The following RAPH1 variants were observed in gnomAD, a reference collection of about 807,000 sequenced individuals.
RAPH1 encodes the protein Ras association (RalGDS/AF-6) and pleckstrin homology domains 1.
In RAPH1, 18 loss-of-function variants were observed where a neutral mutation model predicts 88.1. The observed-to-expected ratio is 0.20, with a 90% CI of 0.14 to 0.30. The LOEUF is 0.30. RAPH1 is among the 10% of genes least tolerant of loss of function. The pLI is 1.00. For missense variants in RAPH1, 1,448 were observed against 1,543.2 expected, an observed-to-expected ratio of 0.94 and a Z score of 1.03; for synonymous variants, 587 against 559.0, an observed-to-expected ratio of 1.05 and a Z score of -0.71.
In RAPH1 at chr2:203,436,022, C is replaced by G. The variant is rs190410567; in HGVS notation, c.*3415G>C. 1 of 152,248 alleles carries G rather than the reference C, an allele frequency of 6.6e-6. No homozygotes were observed. The highest frequency in any genetic ancestry group is 2.4e-5 in the African/African-American group (1 of 41,564). The allele number at this position is 152,248 out of a possible 1,614,324, so 9.4% of individuals were successfully genotyped here. On this transcript the variant is annotated 3_prime_UTR_variant, in exon 14 of 14. Coordinates refer to ENST00000319170, the MANE Select transcript of RAPH1 (RefSeq NM_213589.3). ...GAATTGGATGTACAGCTCCTAATAA[C>G]CTTGATGTCAGAGTTGTCACTTGGT...
At chr2:203,519,868 A>G (rs533236805) in intron 1 of RAPH1, among the ~76,000 whole-genome samples, 2 of 152,370 alleles carry the variant, frequency 1.3e-5, no homozygotes, top group South Asian at 4.1e-4. Flanking sequence ...CCAGTATCAA[A>G]CACTCATACA....
chr2:203,509,011 ATATT>A (rs1019248701), intron 1 of RAPH1, among the ~76,000 whole-genome samples: 1 of 151,730 alleles, frequency 6.6e-6, no homozygotes, highest in Non-Finnish European at 1.5e-5. Context: ...TCTTAGAAAG[ATATT>A]TATTCATCAG....
rs2098497052 is a variant in RAPH1, at chr2:203,434,741, C to G, written c.*4696G>C. On this transcript the variant is annotated 3_prime_UTR_variant, in exon 14 of 14. Coordinates refer to ENST00000319170, the MANE Select transcript of RAPH1 (RefSeq NM_213589.3). Reference sequence around the variant, plus strand: ...ACGTTGAGGCTGCAACAATCATGAGCTTGGTATTAGTAGCCATCCATGATA... The same window carrying G: ...ACGTTGAGGCTGCAACAATCATGAGGTTGGTATTAGTAGCCATCCATGATA... The G allele has an allele frequency of 6.6e-6, 1 of 152,368 alleles. No homozygotes were observed. Among genetic ancestry groups the G allele is most frequent in the Non-Finnish European group, 1.5e-5 (1 of 68,020 alleles). The allele number at this position is 152,368 out of a possible 1,614,324, so 9.4% of individuals were successfully genotyped here. A position where few individuals can be genotyped will look rare whatever the true frequency, so the allele number is the denominator to read the frequency against.
At chr2:203,450,232 T>A (rs959776499) in intron 10 of RAPH1, among the ~76,000 whole-genome samples, 2 of 151,870 alleles carry the variant, frequency 1.3e-5, no homozygotes, top group African/African-American at 4.8e-5. Flanking sequence ...TGGTCTACAA[T>A]GAGGGAAAAA....
intron 4 of RAPH1, among the ~76,000 whole-genome samples, chr2:203,467,170 T>G (rs1170644581): frequency 6.6e-6 from 1 of 152,228 alleles, no homozygotes; most frequent in Admixed American, 6.5e-5. Flanking sequence ...TCCTTGAACC[T>G]GAGTCTGAGC....
intron 1 of RAPH1, among the ~76,000 whole-genome samples, chr2:203,529,105 A>T (rs957353338): frequency 3.6e-5 from 5 of 139,082 alleles, no homozygotes; most frequent in African/African-American, 1.1e-4. Context: ...CAGCCTCCCG[A>T]GTTAACTGCA....
intron 13 of RAPH1, chr2:203,443,624 G>C (rs981465990): frequency 1.4e-5 from 2 of 147,400 alleles, no homozygotes; most frequent in African/African-American, 2.6e-5. Flanking sequence ...AATGCCCAAA[G>C]AAATGGCAAA....
At chr2:203,482,246 C>T (rs911752289) in intron 4 of RAPH1, among the ~76,000 whole-genome samples, 8 of 152,118 alleles carry the variant, frequency 5.3e-5, no homozygotes, top group African/African-American at 1.9e-4. Flanking sequence ...AGTACAGTGG[C>T]ATCATCTCAG....
intron 2 of RAPH1, among the ~76,000 whole-genome samples, chr2:203,493,971 C>CAAAAAAA (rs397937732): frequency 0.045 from 643 of 14,194 alleles, 2 homozygotes; most frequent in Non-Finnish European, 0.078. Flanking sequence ...GACTCTATCT[C>CAAAAAAA]AAAAAAAAAA....
chr2:203,510,034 A>G (rs1055060566), intron 1 of RAPH1, among the ~76,000 whole-genome samples: 4 of 152,106 alleles, frequency 2.6e-5, no homozygotes, highest in African/African-American at 9.7e-5. Context: ...TTTTACTTAT[A>G]AATTATACAG....
chr2:203,450,036 AAAC>A (rs1207113166), intron 10 of RAPH1, among the ~76,000 whole-genome samples: 9 of 151,840 alleles, frequency 5.9e-5, no homozygotes, highest in African/African-American at 1.9e-4. Flanking sequence ...AAAAAAAAAA[AAAC>A]AAAGAAAGAA....
Position 203,441,273 on chromosome 2 carries a change from TGGTGGAGGAGGA to T in RAPH1, c.1905_1916del (p.Pro645_Pro648del). 6.9e-6 allele frequency: 1 copy of T among 145,658 alleles called. No homozygotes were observed. Among genetic ancestry groups the T allele is most frequent in the Non-Finnish European group, 1.1e-5 (1 of 93,284 alleles). 9.0% of individuals were successfully genotyped at this position (145,658 alleles called of 1,614,324 possible). A position where few individuals can be genotyped will look rare whatever the true frequency, so the allele number is the denominator to read the frequency against. On this transcript the variant is annotated inframe_deletion, in exon 14 of 14. Transcript: ENST00000319170. Reference sequence around the variant, plus strand: ...GGGGAGGAGGGGGTGGTGGAGGGGGTGGTGGAGGAGGAGGTGGGGGTGGCGGAGGAGGTAGAG... The same window carrying T: ...GGGGAGGAGGGGGTGGTGGAGGGGGTGGTGGGGGTGGCGGAGGAGGTAGAG...
intron 2 of RAPH1, among the ~76,000 whole-genome samples, chr2:203,493,452 T>C (rs930759286): frequency 6.6e-6 from 1 of 152,182 alleles, no homozygotes; most frequent in Non-Finnish European, 1.5e-5. Context: ...CTTTTCTCCA[T>C]GCATTATCAT....
At chr2:203,494,832 A>G (rs1433716511) in intron 2 of RAPH1, among the ~76,000 whole-genome samples, 2 of 151,842 alleles carry the variant, frequency 1.3e-5, no homozygotes, top group Non-Finnish European at 2.9e-5. Context: ...AAGAAAAAAA[A>G]AAAGAAAAAC....
intron 1 of RAPH1, among the ~76,000 whole-genome samples, chr2:203,529,564 T>C (rs1690295653): frequency 6.6e-6 from 1 of 152,266 alleles, no homozygotes; most frequent in South Asian, 2.1e-4. Flanking sequence ...GGTTTCTCTA[T>C]GTTGGTCAGG....
intron 3 of RAPH1, 24 bp downstream of exon 3, chr2:203,491,190 A>C: frequency 1.3e-6 from 2 of 1,501,812 alleles, no homozygotes; most frequent in Non-Finnish European, 9.3e-7. Context: ...ACTATTTTAC[A>C]TTTTATTTCC....
chr2:203,490,769 G>A (rs780493466), intron 3 of RAPH1, among the ~76,000 whole-genome samples: 2 of 152,034 alleles, frequency 1.3e-5, no homozygotes, highest in Non-Finnish European at 1.5e-5. Flanking sequence ...AGGGCTGGAC[G>A]CAGTGGCTCA....
intron 1 of RAPH1, among the ~76,000 whole-genome samples, chr2:203,506,802 A>C (rs28818574): frequency 4.2e-5 from 5 of 118,538 alleles, no homozygotes; most frequent in African/African-American, 1.2e-4. Flanking sequence ...ATCTATATAT[A>C]TATCTATATC....
chr2:203,502,990 A>T (rs757373681), intron 1 of RAPH1, among the ~76,000 whole-genome samples: 4 of 151,504 alleles, frequency 2.6e-5, no homozygotes, highest in Non-Finnish European at 5.9e-5. Context: ...AAATACAAAA[A>T]TTAGCTGGAT....
Sources: allele counts gnomAD v4.1 joint callset (sites outside exome capture counted in the v4.1 genomes callset), GRCh38; gene constraint gnomAD v4.1.1; transcripts MANE v1.5; gene names NCBI Gene and HGNC (gene_info 2026-07-23, HGNC 2026-07-21).